MAST3: variants seen among roughly 807,000 people sequenced by gnomAD.
The protein encoded by MAST3 is microtubule-associated serine/threonine-protein kinase 3.
A neutral mutation model predicts 127.0 loss-of-function variants in MAST3; 43 were observed. That is an observed-to-expected ratio of 0.34 (90% CI 0.27 to 0.44). MAST3 has a LOEUF of 0.44. Ranked by LOEUF, MAST3 falls within the 20% of genes least tolerant of loss-of-function variation. The pLI is 1.00. For missense variants in MAST3, 1,390 were observed against 1,919.1 expected, an observed-to-expected ratio of 0.72 and a Z score of 5.15; for synonymous variants, 785 against 809.2, an observed-to-expected ratio of 0.97 and a Z score of 0.51.
chr19:18,099,027 G>A (rs1005571289), intron 1 of MAST3: 2 of 308,708 alleles, frequency 6.5e-6, no homozygotes, highest in Non-Finnish European at 1.3e-5. Context: ...TTAGGGAAAT[G>A]AAAGAGGTTG....
intron 13 of MAST3, 165 bp downstream of exon 13, chr19:18,129,116 C>T (rs950754204): frequency 3.1e-5 from 20 of 646,936 alleles, no homozygotes. Flanking sequence ...GGAGACACGC[C>T]ATAGCGAGGT....
intron 19 of MAST3, among the ~76,000 whole-genome samples, chr19:18,138,403 A>C (rs118023128): frequency 6.8e-6 from 1 of 147,306 alleles, no homozygotes; most frequent in African/African-American, 2.5e-5. Context: ...TGGAACTTCT[A>C]CCTCCCGGTT....
At chr19:18,136,007 C>CTA (rs1277942199) in intron 18 of MAST3, among the ~76,000 whole-genome samples, 166 bp downstream of exon 18, 1 of 152,170 alleles carries the variant, frequency 6.6e-6, no homozygotes, top group African/African-American at 2.4e-5. Context: ...TCTCCAGGAA[C>CTA]TATCACAAGA....
rs1412456634 is a variant in MAST3 at position 18,123,331 on chromosome 19, G to T, written c.514G>T (p.Gly172Cys). The part of the protein sequence containing the change: ...RSSENVLDEE[G>C]GRSPRLRPRS... ...CTCAGAGAATGTGCTTGATGAGGAA[G>T]GCGGCCGGTCACCCCGCCTCCGACC... Residue 172 changes from glycine to cysteine, a missense_variant, in exon 7 of 28, where the codon GGC becomes TGC. By Grantham distance (159) the Gly-to-Cys change is radical (BLOSUM62 -3). Transcript: ENST00000687212. The T allele has an allele frequency of 6.2e-7, 1 of 1,613,396 alleles. No homozygotes were observed. The highest frequency in any genetic ancestry group is 1.7e-5 in the Admixed American group (1 of 60,000).
intron 3 of MAST3, among the ~76,000 whole-genome samples, chr19:18,117,110 A>G (rs1163942342): frequency 1.3e-5 from 2 of 151,792 alleles, no homozygotes; most frequent in African/African-American, 4.8e-5. Flanking sequence ...TCCATAGTGA[A>G]CACATATTGT....
intron 3 of MAST3, among the ~76,000 whole-genome samples, chr19:18,120,081 A>G (rs907797376): frequency 5.9e-5 from 9 of 152,078 alleles, no homozygotes; most frequent in African/African-American, 2.2e-4. Flanking sequence ...CAGGTGGGAG[A>G]AGAAGCCAGG....
Position 18,132,003 on chromosome 19 carries a change from C to G in MAST3, c.1527C>G (p.Tyr509Ter), listed in dbSNP as rs2041351844. ...YFAETVLALE[Y>*]LHNYGIVHRD... Reference sequence around the variant, plus strand: ...CCGAGACGGTGTTGGCGCTGGAGTACCTGCATAACTATGGCATCGTGCACC... The same window carrying G: ...CCGAGACGGTGTTGGCGCTGGAGTAGCTGCATAACTATGGCATCGTGCACC... The change falls in exon 15 of 28, where the codon TAC (tyrosine) becomes TAG (stop). Residue 509 changes from tyrosine to a stop codon, truncating the protein, a stop_gained. Transcript: ENST00000687212. LOFTEE classifies it high-confidence loss of function. 6.2e-7 allele frequency: 1 copy of G among 1,614,082 alleles called. No homozygotes were observed. Among genetic ancestry groups the G allele is most frequent in the African/African-American group, 1.3e-5 (1 of 74,932 alleles).
In MAST3 at chr19:18,149,638, C is replaced by T. The variant is rs746501195; in HGVS notation, c.3956C>T (p.Ala1319Val). ...AGCTTCGATGAGCCGCAGGAGGAGG[C>T]CACTGGGCTGCCCACCTCAGTGCCA... Reference protein sequence around the residue: ...EVSFDEPQEEATGLPTSVPQI... With the variant: ...EVSFDEPQEEVTGLPTSVPQI... The change falls in exon 28 of 28, where the codon GCC (alanine) becomes GTC (valine). Residue 1319 changes from alanine to valine, a missense_variant. Ala to Val is a moderately conservative substitution (Grantham distance 64). Transcript: ENST00000687212. The surrounding 1 kb of genome is among the most constrained non-coding windows in gnomAD (Gnocchi z 5.9). 1.2e-6 allele frequency: 2 copies of T among 1,613,246 alleles called. No homozygotes were observed. The highest frequency in any genetic ancestry group is 1.7e-6 in the Non-Finnish European group (2 of 1,179,882).
At position 18,123,379 on chromosome 19, in the gene MAST3, G is replaced by A; in HGVS notation, c.557+5G>A. The A allele has an allele frequency of 6.2e-7, 1 of 1,607,896 alleles. No homozygotes were observed. Among genetic ancestry groups the A allele is most frequent in the Non-Finnish European group, 8.5e-7 (1 of 1,177,806 alleles). On this transcript the variant is annotated splice_donor_5th_base_variant and intron_variant, in intron 7 of 27. Coordinates refer to ENST00000687212, the MANE Select transcript of MAST3 (RefSeq NM_001393504.1). ...ACCCCGCTCTCGCAGTCTCAGGTGG[G>A]CCGCGACCTCTGGCCCCAGCCCCGG...
At chr19:18,124,411 G>A (rs1396425305) in intron 10 of MAST3, 45 bp downstream of exon 10, 1 of 1,527,480 alleles carries the variant, frequency 6.5e-7, no homozygotes, top group East Asian at 2.4e-5. Context: ...AGGCAGAACT[G>A]AGATTGGGAC....
intron 19 of MAST3, 109 bp downstream of exon 19, chr19:18,137,470 C>G: frequency 7.9e-7 from 1 of 1,266,680 alleles, no homozygotes; most frequent in Non-Finnish European, 1.1e-6. Context: ...GGCACCTCAC[C>G]TTAGGCCTGG....
At chr19:18,125,326 T>G (rs761724639) in intron 11 of MAST3, among the ~76,000 whole-genome samples, 2 of 152,214 alleles carry the variant, frequency 1.3e-5, no homozygotes, top group Non-Finnish European at 2.9e-5. Flanking sequence ...GTGTTAGCAG[T>G]GGCCTTCCCT....
intron 1 of MAST3, among the ~76,000 whole-genome samples, chr19:18,106,279 A>G (rs975662702): frequency 1.6e-4 from 24 of 151,818 alleles, no homozygotes; most frequent in African/African-American, 5.8e-4. Context: ...TTGAGACGGA[A>G]TCTCTCATTG....
chr19:18,145,167 C>T lies in MAST3; in HGVS notation c.2977C>T (p.Leu993=). The part of the protein sequence containing the change: ...HSSGKKYGFS[L]RAIRVYMGDS... ...CTCTGGCAAGAAGTACGGCTTCAGCCTGCGGGCGATCCGCGTCTACATGGG... is the reference window on the plus strand; with the variant it reads ...CTCTGGCAAGAAGTACGGCTTCAGCTTGCGGGCGATCCGCGTCTACATGGG... Residue 993 remains leucine, a synonymous_variant, in exon 24 of 28, where the codon CTG becomes TTG. Coordinates refer to ENST00000687212, the MANE Select transcript of MAST3 (RefSeq NM_001393504.1). This position sits in a 1 kb window ranked among gnomAD's most constrained non-coding sequence, Gnocchi z 5.9. 1.2e-6 allele frequency: 2 copies of T among 1,613,994 alleles called. No individual in the cohort carries two copies. Among genetic ancestry groups the T allele is most frequent in the Non-Finnish European group, 1.7e-6 (2 of 1,179,900 alleles).
intron 1 of MAST3, among the ~76,000 whole-genome samples, chr19:18,105,407 G>T (rs894307726): frequency 1.3e-5 from 2 of 151,498 alleles, no homozygotes; most frequent in African/African-American, 4.9e-5. Flanking sequence ...TTTTGGCCAG[G>T]CATGGTGGCT....
intron 5 of MAST3, 101 bp downstream of exon 5, chr19:18,122,023 T>G: frequency 6.5e-7 from 1 of 1,528,974 alleles, no homozygotes; most frequent in Non-Finnish European, 8.8e-7. Context: ...ATTCATTTCA[T>G]TCACCTTTTC....
intron 1 of MAST3, among the ~76,000 whole-genome samples, chr19:18,098,517 G>T (rs1474422991): frequency 1.3e-5 from 2 of 152,074 alleles, no homozygotes; most frequent in Admixed American, 6.6e-5. Context: ...TGTTTAGGAG[G>T]CTGTGTCATC....
rs2038419555 is a variant in MAST3 at position 18,110,154 on chromosome 19, G to C, written c.72-498G>C. 1.0e-6 allele frequency: 1 copy of C among 985,368 alleles called. No individual in the cohort carries two copies. 61.0% of individuals were successfully genotyped at this position (985,368 alleles called of 1,614,324 possible). A position where few individuals can be genotyped will look rare whatever the true frequency, so the allele number is the denominator to read the frequency against. On this transcript the variant is annotated intron_variant, in intron 2 of 27. Coordinates refer to ENST00000687212, the MANE Select transcript of MAST3 (RefSeq NM_001393504.1). This position sits in a 1 kb window ranked among gnomAD's most constrained non-coding sequence, Gnocchi z 4.3. ...CCCCGCCCCGAGGCGGAGCCAGCCC[G>C]GCCCCCAGCGGCCCAGCCCCCGCGT...
chr19:18,141,894 T>C lies in MAST3; in HGVS notation c.2218T>C (p.Ser740Pro). ...TCTTGCCTCCCAGGTCTACAGCAGC[T>C]CTGAGTTCCTGGCCGTCCAGCCCAC... ...SHRFSKVYSS[S>P]EFLAVQPTPT... Residue 740 changes from serine (S) to proline (P), a missense_variant, in exon 21 of 28, where the codon TCT (serine) becomes CCT (proline). Around this residue, in one of 5 missense-constraint regions of MAST3, gnomAD observed 816 missense variants for 934.1 expected, o/e 0.87. Transcript: ENST00000687212. 6.7e-7 allele frequency: 1 copy of C among 1,488,386 alleles called. No individual in the cohort carries two copies. Among genetic ancestry groups the C allele is most frequent in the Non-Finnish European group, 9.0e-7 (1 of 1,112,074 alleles). The allele number at this position is 1,488,386 out of a possible 1,614,324, so 92.2% of individuals were successfully genotyped here.
Sources: gnomAD v4.1 joint callset for allele counts (sites outside exome capture counted in the v4.1 genomes callset) on GRCh38, gnomAD v4.1.1 for gene constraint, gnomAD v4.1.1 regional missense constraint, Gnocchi (gnomAD v3.1) non-coding constraint, MANE v1.5 for transcripts, NCBI Gene and HGNC (gene_info 2026-07-23, HGNC 2026-07-21) for gene names.